The following SHISA6 variants were observed in gnomAD, a reference collection of about 807,000 sequenced individuals.
SHISA6 encodes shisa family member 6.
SHISA6 carries 22 observed loss-of-function variants against 47.9 expected under a neutral mutation model. The observed-to-expected ratio is 0.46, with a 90% CI of 0.33 to 0.66. The LOEUF is 0.66. Ranked by LOEUF, SHISA6 falls within the 30% of genes least tolerant of loss-of-function variation. The pLI, the probability that SHISA6 is intolerant of heterozygous loss-of-function variation, is 0.02. For synonymous variants in SHISA6, 388 were observed against 337.8 expected (o/e 1.15, Z -1.63); for missense variants, 680 against 764.6 (o/e 0.89, Z 1.30).
intron 2 of SHISA6, among the ~76,000 whole-genome samples, chr17:11,305,801 T>A (rs1367469745): frequency 6.6e-6 from 1 of 152,054 alleles, no homozygotes; most frequent in East Asian, 1.9e-4. Context: ...CACCATCACG[T>A]CTGCTTATGT....
At chr17:11,284,851 T>G (rs1013251927) in intron 2 of SHISA6, among the ~76,000 whole-genome samples, 4 of 152,222 alleles carry the variant, frequency 2.6e-5, no homozygotes, top group African/African-American at 9.6e-5. Context: ...TTTAGTGATA[T>G]GTTCAACCCA....
chr17:11,455,895 C>T (rs959191811), intron 3 of SHISA6, among the ~76,000 whole-genome samples: 3 of 152,148 alleles, frequency 2.0e-5, no homozygotes, highest in African/African-American at 4.8e-5. Flanking sequence ...AGATATTCTC[C>T]AAATCCTGTT....
At chr17:11,391,880 C>T (rs1913396895) in intron 3 of SHISA6, among the ~76,000 whole-genome samples, 1 of 152,170 alleles carries the variant, frequency 6.6e-6, no homozygotes, top group African/African-American at 2.4e-5. Flanking sequence ...TTTGAACACC[C>T]CATGTGTTCT....
chr17:11,521,249 T>C (rs2142363042), intron 3 of SHISA6, among the ~76,000 whole-genome samples: 1 of 152,342 alleles, frequency 6.6e-6, no homozygotes, highest in South Asian at 2.1e-4. Context: ...TTGAAGACAA[T>C]AATTAAATAT....
At chr17:11,326,249 C>G in intron 2 of SHISA6, among the ~76,000 whole-genome samples, 1 of 147,826 alleles carries the variant, frequency 6.8e-6, no homozygotes, top group East Asian at 2.0e-4. Flanking sequence ...CCAGCCTGGG[C>G]GACAGAGTGA....
chr17:11,301,783 G>A (rs546467294), intron 2 of SHISA6, among the ~76,000 whole-genome samples: 1 of 152,298 alleles, frequency 6.6e-6, no homozygotes, highest in Non-Finnish European at 1.5e-5. Flanking sequence ...TTTCTCATAA[G>A]GGGAAACTGC....
chr17:11,327,112 T>G (rs1393422146), intron 2 of SHISA6, among the ~76,000 whole-genome samples: 1 of 152,166 alleles, frequency 6.6e-6, no homozygotes, highest in Non-Finnish European at 1.5e-5. Context: ...TAAATGCTGT[T>G]GAGGATAGAT....
At chr17:11,488,182 A>C (rs1049123935) in intron 3 of SHISA6, among the ~76,000 whole-genome samples, 2 of 152,016 alleles carry the variant, frequency 1.3e-5, no homozygotes, top group Admixed American at 6.5e-5. Context: ...AGCCACACTG[A>C]ATAGCTGAAT....
chr17:11,245,405 C>G (rs567346635), intron 1 of SHISA6, among the ~76,000 whole-genome samples: 7 of 152,316 alleles, frequency 4.6e-5, no homozygotes, highest in African/African-American at 1.7e-4. Flanking sequence ...GACTGACTTC[C>G]GCACAGCTCC....
intron 3 of SHISA6, among the ~76,000 whole-genome samples, chr17:11,489,902 A>T (rs1444552944): frequency 6.6e-6 from 1 of 152,310 alleles, no homozygotes; most frequent in Non-Finnish European, 1.5e-5. Flanking sequence ...ACAGCAAAGA[A>T]TTATGCAGCC....
At chr17:11,458,039 C>T (rs1460605936) in intron 3 of SHISA6, among the ~76,000 whole-genome samples, 2 of 147,834 alleles carry the variant, frequency 1.4e-5, no homozygotes, top group East Asian at 4.0e-4. Context: ...GAGCCGAGAT[C>T]ACGCCACTGC....
intron 3 of SHISA6, among the ~76,000 whole-genome samples, chr17:11,506,103 G>A (rs191634207): frequency 1.9e-4 from 29 of 152,314 alleles, no homozygotes; most frequent in African/African-American, 7.0e-4. Context: ...ACGGGATTAT[G>A]TTCTCAAGTG....
rs149428706 is a variant in SHISA6, at chr17:11,342,792, G to A, written c.800-36622G>A. On this transcript the variant is annotated intron_variant, in intron 2 of 5. Coordinates refer to ENST00000441885, the MANE Select transcript of SHISA6 (RefSeq NM_207386.4). ...GTCCTCATACTAAGAAGTTCAACTT[G>A]TCAGAAGTAGGGGCAGAGACAGTCC... 3.0e-3 allele frequency among the ~76,000 whole-genome samples: 459 copies of A among 152,330 alleles called. 2 individuals carry two copies. The highest frequency in any genetic ancestry group is 2.5e-3 in the Non-Finnish European group (173 of 68,034).
In SHISA6 at chr17:11,558,300, T is replaced by C; in HGVS notation, c.1652T>C (p.Val551Ala). ...ACAGCCAGCAAGACCGAAGTGACCG[T>C]GTGACCGGCGGGGCAGGGCCGGGGC... Reference protein sequence around the residue: ...CYTASKTEVTV With the variant: ...CYTASKTEVTA The change falls in exon 6 of 6, where the codon GTG becomes GCG. Residue 551 changes from valine (V) to alanine (A), a missense_variant. Around this residue, in one of 2 missense-constraint regions of SHISA6, gnomAD observed 559 missense variants for 674.1 expected, o/e 0.83. Transcript: ENST00000441885. The C allele has an allele frequency of 6.5e-7, 1 of 1,537,534 alleles. No homozygotes were observed. The highest frequency in any genetic ancestry group is 8.7e-7 in the Non-Finnish European group (1 of 1,146,290).
At chr17:11,333,140 A>T (rs551274382) in intron 2 of SHISA6, among the ~76,000 whole-genome samples, 3 of 152,248 alleles carry the variant, frequency 2.0e-5, no homozygotes, top group South Asian at 4.1e-4. Flanking sequence ...ATCGTGCATT[A>T]TAAGGAATAT....
Position 11,551,965 on chromosome 17 carries a change from TGA to T in SHISA6, c.952+17_952+18del, listed in dbSNP as rs2071935667. 1 of 1,551,420 alleles carries T rather than the reference TGA, an allele frequency of 6.4e-7. No individual in the cohort carries two copies. Among genetic ancestry groups the T allele is most frequent in the East Asian group, 2.4e-5 (1 of 40,922 alleles). On this transcript the variant is annotated intron_variant, in intron 4 of 5. Transcript: ENST00000441885. ...ATCCCGCCACATGGTGAGAGATGAT[TGA>T]GAGCACTCTGCATTTCCTCCTTATT... is the stretch of plus-strand genomic sequence containing the variant.
At chr17:11,405,570 G>A (rs1368632960) in intron 3 of SHISA6, among the ~76,000 whole-genome samples, 8 of 152,166 alleles carry the variant, frequency 5.3e-5, no homozygotes, top group East Asian at 1.9e-4. Context: ...TTGGGAGGCC[G>A]AGGCGGGTGG....
At chr17:11,550,703 G>A (rs896914893) in intron 3 of SHISA6, among the ~76,000 whole-genome samples, 2 of 152,132 alleles carry the variant, frequency 1.3e-5, no homozygotes, top group Non-Finnish European at 2.9e-5. Context: ...TTGGGGTGAG[G>A]GTAGGAATTT....
At chr17:11,517,275 C>T (rs185747469) in intron 3 of SHISA6, among the ~76,000 whole-genome samples, 23 of 152,108 alleles carry the variant, frequency 1.5e-4, no homozygotes, top group Non-Finnish European at 3.2e-4. Context: ...ATTACTGAAT[C>T]CACTTGTTGC....
Sources: gnomAD v4.1 joint callset for allele counts (sites outside exome capture counted in the v4.1 genomes callset) on GRCh38, gnomAD v4.1.1 for gene constraint, gnomAD v4.1.1 regional missense constraint, MANE v1.5 for transcripts, NCBI Gene and HGNC (gene_info 2026-07-23, HGNC 2026-07-21) for gene names.